Variants in DAAM2 observed in about 807,000 individuals in gnomAD.
The protein encoded by DAAM2 is dishevelled associated activator of morphogenesis 2.
In DAAM2, 39 loss-of-function variants were observed where a neutral mutation model predicts 120.7. The observed-to-expected ratio is 0.32, with a 90% CI of 0.25 to 0.42. The LOEUF (loss-of-function observed/expected upper bound fraction) is 0.42, where lower values mean the gene tolerates loss of function less well. DAAM2 is among the 10% of genes least tolerant of loss of function. The probability of loss-of-function intolerance (pLI) is 1.00; values close to 1 mark genes in which losing one functional copy is unlikely to be tolerated. For missense variants in DAAM2, 1,283 were observed against 1,401.7 expected (o/e 0.92, Z 1.35); for synonymous variants, 488 against 524.9 (o/e 0.93, Z 0.96).
At chr6:39,900,253 TA>T (rs762733595) in intron 23 of DAAM2, 45 bp downstream of exon 23, 14 of 1,594,790 alleles carry the variant, frequency 8.8e-6, no homozygotes, top group Middle Eastern at 1.8e-4. Flanking sequence ...CAGCCTTATC[TA>T]AACAAGCTCC....
chr6:39,810,251 A>G (rs1762123472), intron 1 of DAAM2, among the ~76,000 whole-genome samples: 1 of 152,240 alleles, frequency 6.6e-6, no homozygotes, highest in Non-Finnish European at 1.5e-5. Flanking sequence ...ATTCATAGGA[A>G]GAAAGAAGAA....
At chr6:39,823,907 T>G (rs2114147845) in intron 1 of DAAM2, among the ~76,000 whole-genome samples, 1 of 151,966 alleles carries the variant, frequency 6.6e-6, no homozygotes, top group Middle Eastern at 3.4e-3. Context: ...CCTGCTGGGG[T>G]TTTGGGTCTT....
chr6:39,864,165 A>T (rs1582695360), intron 3 of DAAM2, among the ~76,000 whole-genome samples: 2 of 145,792 alleles, frequency 1.4e-5, no homozygotes, highest in South Asian at 2.1e-4. Context: ...AAGAATTTTT[A>T]AAAAATGGTG....
At chr6:39,826,698 A>T (rs1429165899) in intron 1 of DAAM2, among the ~76,000 whole-genome samples, 3 of 152,330 alleles carry the variant, frequency 2.0e-5, no homozygotes, top group South Asian at 4.1e-4. Flanking sequence ...AAATTAAGAA[A>T]AATGTACATA....
At chr6:39,893,095 A>G (rs963121856) in intron 19 of DAAM2, among the ~76,000 whole-genome samples, 6 of 152,248 alleles carry the variant, frequency 3.9e-5, no homozygotes, top group African/African-American at 1.2e-4. Flanking sequence ...TGTGTGCACA[A>G]CTATTTGTAT....
In DAAM2 at chr6:39,891,662, G is replaced by A. The variant is rs765018921; in HGVS notation, c.2281G>A (p.Ala761Thr). Residue 761 changes from alanine (A) to threonine (T), a missense_variant, in exon 19 of 25, where the codon GCC becomes ACC. Transcript: ENST00000274867. ...RIDHYQQRLQ[A>T]LFFKKKFQER... ...TGACCACTACCAGCAGCGACTGCAAGCCCTCTTCTTCAAGAAGAAATTCCA... is the reference window on the plus strand; with the variant it reads ...TGACCACTACCAGCAGCGACTGCAAACCCTCTTCTTCAAGAAGAAATTCCA... The A allele has an allele frequency of 6.8e-6, 11 of 1,611,596 alleles. No homozygotes were observed. The highest frequency in any genetic ancestry group is 9.3e-6 in the Non-Finnish European group (11 of 1,178,846).
intron 1 of DAAM2, among the ~76,000 whole-genome samples, chr6:39,808,152 C>T (rs771437626): frequency 6.7e-5 from 10 of 149,170 alleles, no homozygotes; most frequent in African/African-American, 2.2e-4. Flanking sequence ...CAAATAGGGT[C>T]GTAGTAGTAT....
In DAAM2 at chr6:39,802,943, C is replaced by G. The variant is rs139712881; in HGVS notation, c.-57+10478C>G. Among the ~76,000 whole-genome samples, 3 of 152,290 alleles carry G rather than the reference C, an allele frequency of 2.0e-5. 1 individual carries two copies. The highest frequency in any genetic ancestry group is 3.9e-4 in the East Asian group (2 of 5,178). ...ATTAGTTTTGCCTTTTCCTGCTCTT[C>G]ATATAAATGGAATCATACAGTGGGT... On this transcript the variant is annotated intron_variant, in intron 1 of 24. Transcript: ENST00000274867.
intron 14 of DAAM2, among the ~76,000 whole-genome samples, chr6:39,883,184 CTTT>C (rs34461870): frequency 0.66 from 93,179 of 141,460 alleles, 30,369 homozygotes; most frequent in African/African-American, 0.77. Context: ...ACTGCCAGGG[CTTT>C]TTTTTTTTTT....
chr6:39,883,724 T>G (rs1765240909), intron 14 of DAAM2: 6 of 451,966 alleles, frequency 1.3e-5, no homozygotes, highest in South Asian at 3.7e-5. Context: ...CTAGAACATG[T>G]TTACATGTGG....
chr6:39,816,149 A>G (rs940177640), intron 1 of DAAM2, among the ~76,000 whole-genome samples: 1 of 152,242 alleles, frequency 6.6e-6, no homozygotes, highest in Admixed American at 6.5e-5. Flanking sequence ...TATTTTTTCT[A>G]GTAAATACTT....
intron 1 of DAAM2, among the ~76,000 whole-genome samples, chr6:39,797,209 G>C (rs940610338): frequency 8.5e-5 from 13 of 152,176 alleles, no homozygotes; most frequent in African/African-American, 2.9e-4. Context: ...GCTCTCCATA[G>C]AGCTTGTTTA....
At chr6:39,877,171 C>T (rs1319601033) in intron 11 of DAAM2, among the ~76,000 whole-genome samples, 5 of 152,244 alleles carry the variant, frequency 3.3e-5, no homozygotes, top group Admixed American at 6.5e-5. Context: ...AACAGCTCCC[C>T]TTGCACAGGA....
chr6:39,862,321 CTG>C (rs905819840), intron 3 of DAAM2: 3 of 152,160 alleles, frequency 2.0e-5, no homozygotes, highest in South Asian at 2.1e-4. Flanking sequence ...ATATAACACT[CTG>C]TGTTTATGCA....
At chr6:39,796,447 G>A (rs1761701230) in intron 1 of DAAM2, among the ~76,000 whole-genome samples, 1 of 151,714 alleles carries the variant, frequency 6.6e-6, no homozygotes, top group Non-Finnish European at 1.5e-5. Flanking sequence ...ACATTTTTTG[G>A]TTTGTTTTTT....
At chr6:39,867,881 G>A (rs767155047) in intron 6 of DAAM2, 38 bp downstream of exon 6, 12 of 1,512,136 alleles carry the variant, frequency 7.9e-6, no homozygotes, top group Non-Finnish European at 9.8e-6. Flanking sequence ...CCAGCTGGGT[G>A]GGGCAGAGGA....
At chr6:39,876,490 G>A (rs1180665007) in intron 11 of DAAM2, among the ~76,000 whole-genome samples, 1 of 152,194 alleles carries the variant, frequency 6.6e-6, no homozygotes, top group Non-Finnish European at 1.5e-5. Flanking sequence ...CTATTTAGTA[G>A]GCAATCTTTT....
chr6:39,901,444 A>G lies in DAAM2; in HGVS notation c.2954A>G (p.Glu985Gly). The G allele has an allele frequency of 6.2e-7, 1 of 1,612,032 alleles. No homozygotes were observed. Among genetic ancestry groups the G allele is most frequent in the South Asian group, 1.1e-5 (1 of 91,056 alleles). ...LEAMRRRKEE[E>G]ERRARMEAML... ...GCCATGAGGAGGAGGAAGGAGGAGG[A>G]GGAGCGGCGGGCGCGCATGGAAGCC... Residue 985 changes from glutamate (E) to glycine (G), a missense_variant, in exon 24 of 25, where the codon GAG (glutamate) becomes GGG (glycine). Physicochemically the swap from Glu to Gly is moderately conservative, Grantham distance 98. Around this residue, in one of 3 missense-constraint regions of DAAM2, gnomAD observed 748 missense variants for 768.6 expected, o/e 0.97. Coordinates refer to ENST00000274867, the MANE Select transcript of DAAM2 (RefSeq NM_001201427.2). This position sits in a 1 kb window ranked among gnomAD's most constrained non-coding sequence, Gnocchi z 4.5.
At position 39,904,708 on chromosome 6, in the gene DAAM2, T is replaced by C. The variant is rs2149391518; in HGVS notation, c.*2671T>C. Reference sequence around the variant, plus strand: ...ACTGTGACTATCTATCTCCCCCGACTTCTACCAGGGATGCCTTCACGCCAA... The same window carrying C: ...ACTGTGACTATCTATCTCCCCCGACCTCTACCAGGGATGCCTTCACGCCAA... On this transcript the variant is annotated 3_prime_UTR_variant, in exon 25 of 25. Transcript: ENST00000274867. 1 of 454,106 alleles carries C rather than the reference T, an allele frequency of 2.2e-6. No homozygotes were observed. Among genetic ancestry groups the C allele is most frequent in the South Asian group, 1.6e-5 (1 of 64,478 alleles). 28.1% of individuals were successfully genotyped at this position (454,106 alleles called of 1,614,324 possible).
Sources: gnomAD v4.1 joint callset for allele counts (sites outside exome capture counted in the v4.1 genomes callset) on GRCh38, gnomAD v4.1.1 for gene constraint, gnomAD v4.1.1 regional missense constraint, Gnocchi (gnomAD v3.1) non-coding constraint, MANE v1.5 for transcripts, NCBI Gene and HGNC (gene_info 2026-07-23, HGNC 2026-07-21) for gene names.